The following RPS6KC1 variants were observed in gnomAD, a reference collection of about 807,000 sequenced individuals.
RPS6KC1 encodes ribosomal protein S6 kinase C1.
In RPS6KC1, 54 loss-of-function variants were observed where a neutral mutation model predicts 103.8. The observed-to-expected ratio is 0.52, with a 90% CI of 0.42 to 0.65. The LOEUF is 0.65. Ranked by LOEUF, RPS6KC1 falls within the 30% of genes least tolerant of loss-of-function variation. The pLI, the probability that RPS6KC1 is intolerant of heterozygous loss-of-function variation, is 0.00. For synonymous variants in RPS6KC1, 439 were observed against 438.7 expected (o/e 1.00, Z -0.01); for missense variants, 1,151 against 1,253.8 (o/e 0.92, Z 1.24).
chr1:213,295,114 CAGA>C, the RPS6KC1 span, among the ~76,000 whole-genome samples: 1 of 152,048 alleles, frequency 6.6e-6, no homozygotes, highest in Non-Finnish European at 1.5e-5. Flanking sequence ...CCATTTGTTT[CAGA>C]AGAATTCTGA....
the RPS6KC1 span, among the ~76,000 whole-genome samples, chr1:213,823,015 C>T: frequency 6.6e-6 from 1 of 152,132 alleles, no homozygotes; most frequent in Non-Finnish European, 1.5e-5. Flanking sequence ...AAAATCTAAA[C>T]TCCTTACCCT....
chr1:213,343,389 GTGTATATATATA>G, the RPS6KC1 span, among the ~76,000 whole-genome samples: 218 of 65,858 alleles, frequency 3.3e-3, 8 homozygotes, highest in African/African-American at 0.016. Flanking sequence ...TCAGTGTTGT[GTGTATATATATA>G]TATATATATA....
At chr1:213,660,634 C>G in the RPS6KC1 span, among the ~76,000 whole-genome samples, 1 of 149,834 alleles carries the variant, frequency 6.7e-6, no homozygotes, top group South Asian at 2.1e-4. Context: ...CAAATACACC[C>G]AAAGCTATAA....
chr1:213,253,006 G>A (rs1229224016), intron 12 of RPS6KC1, among the ~76,000 whole-genome samples: 2 of 152,080 alleles, frequency 1.3e-5, no homozygotes, highest in Admixed American at 1.3e-4. Flanking sequence ...ATAACTTTGA[G>A]AGTAAAAAGA....
At chr1:213,541,251 A>G in the RPS6KC1 span, among the ~76,000 whole-genome samples, 26 of 149,300 alleles carry the variant, frequency 1.7e-4, no homozygotes, top group African/African-American at 6.2e-4. Flanking sequence ...GCTGTCTTAT[A>G]TGGGTGCAGT....
chr1:213,133,084 C>CAA (rs1264097947), intron 6 of RPS6KC1, among the ~76,000 whole-genome samples: 2 of 152,164 alleles, frequency 1.3e-5, no homozygotes, highest in African/African-American at 4.8e-5. Flanking sequence ...TGACACTTCA[C>CAA]TTACTCCCTC....
At chr1:213,652,358 G>C in the RPS6KC1 span, among the ~76,000 whole-genome samples, 2 of 152,188 alleles carry the variant, frequency 1.3e-5, no homozygotes, top group African/African-American at 4.8e-5. Context: ...CGGAAGTAAA[G>C]GAACTTGCCT....
chr1:213,158,822 C>G (rs2090179861), intron 6 of RPS6KC1, among the ~76,000 whole-genome samples: 1 of 152,018 alleles, frequency 6.6e-6, no homozygotes, highest in African/African-American at 2.4e-5. Flanking sequence ...CCCTAGAAAA[C>G]TAGTGTAGGC....
At chr1:213,821,587 A>G in the RPS6KC1 span, 3 of 152,130 alleles carry the variant, frequency 2.0e-5, no homozygotes, top group Non-Finnish European at 2.9e-5. Flanking sequence ...CTCTTCCTGT[A>G]TCCATTTTTA....
At chr1:213,524,738 G>A in the RPS6KC1 span, among the ~76,000 whole-genome samples, 8 of 152,168 alleles carry the variant, frequency 5.3e-5, no homozygotes, top group African/African-American at 9.7e-5. Context: ...GATCATGTGT[G>A]CAGAGCACTT....
chr1:213,710,654 G>A, the RPS6KC1 span, among the ~76,000 whole-genome samples: 3 of 152,242 alleles, frequency 2.0e-5, no homozygotes, highest in East Asian at 1.9e-4. Flanking sequence ...GGCTGGTACC[G>A]GTTTTTCTTT....
At chr1:213,439,009 T>C in the RPS6KC1 span, among the ~76,000 whole-genome samples, 1 of 152,080 alleles carries the variant, frequency 6.6e-6, no homozygotes, top group Non-Finnish European at 1.5e-5. Flanking sequence ...TTAGCCAGGA[T>C]GGTCTCGATC....
the RPS6KC1 span, among the ~76,000 whole-genome samples, chr1:213,285,021 A>G: frequency 2.6e-5 from 4 of 152,210 alleles, no homozygotes; most frequent in South Asian, 8.3e-4. Flanking sequence ...AGAAACTCAG[A>G]AAGTATTTTT....
the RPS6KC1 span, among the ~76,000 whole-genome samples, chr1:213,851,223 GT>G: frequency 6.6e-6 from 1 of 151,972 alleles, no homozygotes; most frequent in Non-Finnish European, 1.5e-5. Flanking sequence ...CTTCCCTACA[GT>G]TTCATGCAAA....
chr1:213,588,296 CTTTT>C, the RPS6KC1 span, among the ~76,000 whole-genome samples: 1 of 138,928 alleles, frequency 7.2e-6, no homozygotes. Flanking sequence ...AAACCTCTGT[CTTTT>C]TTTTTTTTTT....
At chr1:213,213,691 G>T (rs1423606881) in intron 8 of RPS6KC1, among the ~76,000 whole-genome samples, 1 of 152,204 alleles carries the variant, frequency 6.6e-6, no homozygotes, top group Non-Finnish European at 1.5e-5. Flanking sequence ...ATGAAACAAT[G>T]TAGGAATGAC....
At chr1:213,776,966 C>A in the RPS6KC1 span, among the ~76,000 whole-genome samples, 1 of 152,136 alleles carries the variant, frequency 6.6e-6, no homozygotes, top group Non-Finnish European at 1.5e-5. Context: ...GATTTTTCTT[C>A]TGCCTCTTCC....
At chr1:213,276,128 A>G (rs75304960), downstream of RPS6KC1, among the ~76,000 whole-genome samples, 1,703 of 152,230 alleles carry the variant, frequency 0.011, 37 homozygotes, top group African/African-American at 0.037. Flanking sequence ...AACCAGTAAC[A>G]CTATATTAGA....
chr1:213,067,666 C>T (rs945926883), intron 1 of RPS6KC1, among the ~76,000 whole-genome samples: 1 of 152,262 alleles, frequency 6.6e-6, no homozygotes, highest in East Asian at 1.9e-4. Flanking sequence ...TCTGCACTCC[C>T]CTCCCACCCC....
Sources: allele counts gnomAD v4.1 joint callset (sites outside exome capture counted in the v4.1 genomes callset), GRCh38; gene constraint gnomAD v4.1.1; transcripts MANE v1.5; gene names NCBI Gene and HGNC (gene_info 2026-07-23, HGNC 2026-07-21).